Variants in USF2 observed in about 807,000 individuals in gnomAD.
USF2 encodes upstream transcription factor 2, c-fos interacting, also known as upstream stimulatory factor 2.
USF2 carries 16 observed loss-of-function variants against 46.9 expected under a neutral mutation model. The ratio of observed to expected loss-of-function variants is 0.34; its 90% CI spans 0.23 to 0.52. The LOEUF is 0.52. Among genes scored for constraint, USF2 ranks in the 20% least tolerant of loss-of-function variants. The pLI is 0.96. For synonymous variants in USF2, 239 were observed against 194.1 expected, an observed-to-expected ratio of 1.23 and a Z score of -1.92; for missense variants, 411 against 474.0, an observed-to-expected ratio of 0.87 and a Z score of 1.23.
rs756101923 is a variant in USF2 at position 35,269,713 on chromosome 19, C to G, written c.228+14C>G. 7.1e-5 allele frequency: 33 copies of G among 466,746 alleles called. No individual in the cohort carries two copies. The highest frequency in any genetic ancestry group is 1.0e-4 in the Non-Finnish European group (33 of 326,856). The allele number at this position is 466,746 out of a possible 1,614,324, so 28.9% of individuals were successfully genotyped here. On this transcript the variant is annotated intron_variant, in intron 3 of 9. Transcript: ENST00000222305. ...AATGGAGGACAGGTGAGCGGCGGGC[C>G]GCGAGGGCGAACGGGCGGGCGGGCG...
At chr19:35,275,899 A>C (rs1208963051) in intron 7 of USF2, 2 of 152,098 alleles carry the variant, frequency 1.3e-5, no homozygotes, top group Non-Finnish European at 2.9e-5. Context: ...ATGTCCCCCC[A>C]GGTCAGTGAG....
chr19:35,273,605 T>G (rs1231770363), intron 7 of USF2, among the ~76,000 whole-genome samples: 1 of 152,216 alleles, frequency 6.6e-6, no homozygotes, highest in African/African-American at 2.4e-5. Flanking sequence ...TCACCCAGGC[T>G]GGAGTACAGT....
chr19:35,278,840 C>G (rs776856352), intron 8 of USF2, 48 bp downstream of exon 8: 52 of 1,611,078 alleles, frequency 3.2e-5, no homozygotes, highest in South Asian at 1.4e-4. Flanking sequence ...GGCCCCCGAC[C>G]CTTGCATGCA....
chr19:35,271,496 C>T (rs1349199378), intron 7 of USF2, among the ~76,000 whole-genome samples: 1 of 152,180 alleles, frequency 6.6e-6, no homozygotes, highest in Non-Finnish European at 1.5e-5. Flanking sequence ...CACGTGGCAG[C>T]TGTCATGCTC....
intron 7 of USF2, among the ~76,000 whole-genome samples, chr19:35,274,534 G>A (rs1020264841): frequency 1.3e-5 from 2 of 152,154 alleles, no homozygotes; most frequent in South Asian, 2.1e-4. Context: ...GCTCCCGCCC[G>A]GAATCCCAGC....
chr19:35,270,248 C>CTT, intron 4 of USF2, 199 bp from the exon 5 acceptor site: 1 of 937,462 alleles, frequency 1.1e-6, no homozygotes, highest in African/African-American at 1.7e-5. Context: ...GAGTGCGAAA[C>CTT]GGATTTGCTC....
At chr19:35,270,312 C>T (rs967884069) in intron 4 of USF2, 135 bp from the exon 5 acceptor site, 6 of 1,317,294 alleles carry the variant, frequency 4.6e-6, no homozygotes, top group African/African-American at 4.4e-5. Context: ...AAACACAGGA[C>T]AGAATGCTAC....
intron 1 of USF2, 44 bp downstream of exon 1, chr19:35,269,207 C>A: frequency 1.0e-6 from 1 of 980,588 alleles, no homozygotes; most frequent in Non-Finnish European, 1.2e-6. Flanking sequence ...CCGGCCCCGG[C>A]CCCGGCCCCG....
At position 35,270,585 on chromosome 19, in the gene USF2, T is replaced by C; in HGVS notation, c.568T>C (p.Leu190=). The C allele has an allele frequency of 6.2e-7, 1 of 1,613,674 alleles. No individual in the cohort carries two copies. Among genetic ancestry groups the C allele is most frequent in the Admixed American group, 1.7e-5 (1 of 60,006 alleles). The change falls in exon 5 of 10, where the codon TTG becomes CTG. Residue 190 remains leucine, a synonymous_variant. Coordinates refer to ENST00000222305, the MANE Select transcript of USF2 (RefSeq NM_003367.4). ...AVSVQTTDQS[L]QAGGQFYVMM... is the part of the protein sequence containing the mutation. ...GTCCGTACAGACCACAGACCAGAGC[T>C]TGCAGGCTGGAGGTGAGGAGTAGAA...
Position 35,270,006 on chromosome 19 carries a change from A to T in USF2, c.429+3A>T. On this transcript the variant is annotated splice_donor_region_variant and intron_variant, in intron 4 of 9. Coordinates refer to ENST00000222305, the MANE Select transcript of USF2 (RefSeq NM_003367.4). Reference sequence around the variant, plus strand: ...GTCCTGCAGCGCCCTTCCCGCTGGTAGGTGCCCTGCCACCCCTGGGTGGGG... The same window carrying T: ...GTCCTGCAGCGCCCTTCCCGCTGGTTGGTGCCCTGCCACCCCTGGGTGGGG... 7.5e-7 allele frequency: 1 copy of T among 1,341,716 alleles called. No individual in the cohort carries two copies. Among genetic ancestry groups the T allele is most frequent in the South Asian group, 1.9e-5 (1 of 51,820 alleles). 83.1% of individuals were successfully genotyped at this position (1,341,716 alleles called of 1,614,324 possible).
In USF2 at chr19:35,278,938, C is replaced by T. The variant is rs901217662; in HGVS notation, c.823-8C>T. The T allele has an allele frequency of 3.9e-6, 6 of 1,555,860 alleles. No homozygotes were observed. In the African/African-American group the frequency reaches 5.5e-5, roughly 14 times the overall value. On this transcript the variant is annotated splice_region_variant and splice_polypyrimidine_tract_variant and intron_variant, in intron 8 of 9. Transcript: ENST00000222305. ...TGCCCTAAGGCTCCTGGTCCCCTCG[C>T]CCCCCAGAGTAAAGGAGGGATCCTG...
chr19:35,279,143 C>G, intron 9 of USF2, 24 bp from the exon 10 acceptor site: 2 of 1,611,790 alleles, frequency 1.2e-6, no homozygotes, highest in Non-Finnish European at 1.7e-6. Flanking sequence ...CCTCAGCTCC[C>G]TTGACCTCCG....
intron 4 of USF2, 108 bp from the exon 5 acceptor site, chr19:35,270,339 C>T (rs903726445): frequency 4.1e-6 from 6 of 1,450,002 alleles, no homozygotes; most frequent in East Asian, 2.3e-5. Context: ...AAGGAGTCCC[C>T]ACTCCTGTTA....
At chr19:35,276,707 C>G (rs530587311) in intron 7 of USF2, among the ~76,000 whole-genome samples, 1 of 152,212 alleles carries the variant, frequency 6.6e-6, no homozygotes, top group Admixed American at 6.5e-5. Flanking sequence ...GAAACCAGCC[C>G]GAATGTTTCC....
chr19:35,269,028 CCCCCTCCCCTCCCTCCCT>C lies in USF2; in HGVS notation c.-60_-43del, dbSNP rs1268717845. The C allele has an allele frequency of 9.3e-6, 1 of 106,996 alleles. No individual in the cohort carries two copies. The highest frequency in any genetic ancestry group is 2.0e-5 in the Non-Finnish European group (1 of 49,904). 6.6% of individuals were successfully genotyped at this position (106,996 alleles called of 1,614,324 possible). On this transcript the variant is annotated 5_prime_UTR_variant, in exon 1 of 10. Transcript: ENST00000222305. The stretch of plus-strand genomic sequence containing the variant: ...GGCTCGGGGCCCCCCCGGCCGCCCG[CCCCCTCCCCTCCCTCCCT>C]CCCCTCCCCTCCCCTCCCCCCCGGG...
chr19:35,269,468 G>C lies in USF2; in HGVS notation c.85G>C (p.Glu29Gln). The change falls in exon 2 of 10, where the codon GAG becomes CAG. Residue 29 changes from glutamate to glutamine, a missense_variant. Physicochemically the swap from Glu to Gln is conservative, Grantham distance 29. Coordinates refer to ENST00000222305, the MANE Select transcript of USF2 (RefSeq NM_003367.4). Reference protein sequence around the residue: ...AASHDKGPEAEEGVELQEGGD... With the variant: ...AASHDKGPEAQEGVELQEGGD... ...CAGCCACGACAAGGGACCCGAGGCGGAGGAGGGCGTCGAGCTGCAGGAAGG... is the reference window on the plus strand; with the variant it reads ...CAGCCACGACAAGGGACCCGAGGCGCAGGAGGGCGTCGAGCTGCAGGAAGG... The C allele has an allele frequency of 6.5e-7, 1 of 1,550,238 alleles. No homozygotes were observed. Among genetic ancestry groups the C allele is most frequent in the Non-Finnish European group, 8.6e-7 (1 of 1,156,298 alleles).
In USF2 at chr19:35,274,232, CCTT is replaced by C. The variant is rs569161040; in HGVS notation, c.727+3098_727+3100del. ...CCCGTCTCCAAAGGCTTTCATGCAACCTTCTTCTTTGCAGAGCAGCAAAAGCTA... is the reference window on the plus strand; with the variant it reads ...CCCGTCTCCAAAGGCTTTCATGCAACCTTCTTTGCAGAGCAGCAAAAGCTA... On this transcript the variant is annotated intron_variant, in intron 7 of 9. Coordinates refer to ENST00000222305, the MANE Select transcript of USF2 (RefSeq NM_003367.4). 3.3e-4 allele frequency among the ~76,000 whole-genome samples: 50 copies of C among 152,356 alleles called. No individual in the cohort carries two copies. The South Asian group carries it at 9.3e-3, about 28-fold the overall frequency.
chr19:35,270,092 G>C (rs2066127847), intron 4 of USF2, 89 bp downstream of exon 4: 5 of 1,308,292 alleles, frequency 3.8e-6, no homozygotes, highest in Non-Finnish European at 9.8e-7. Flanking sequence ...GGGTGGGGCA[G>C]GTGTCGCCCA....
chr19:35,276,196 C>T (rs2066231685), intron 7 of USF2, among the ~76,000 whole-genome samples: 2 of 151,798 alleles, frequency 1.3e-5, no homozygotes, highest in African/African-American at 2.4e-5. Context: ...TTCAGCCTCC[C>T]AAGTCGCTGG....
Sources: gnomAD v4.1 joint callset for allele counts (sites outside exome capture counted in the v4.1 genomes callset) on GRCh38, gnomAD v4.1.1 for gene constraint, MANE v1.5 for transcripts, NCBI Gene and HGNC (gene_info 2026-07-23, HGNC 2026-07-21) for gene names.